The following AIFM3 variants were observed in gnomAD, a reference collection of about 807,000 sequenced individuals.
AIFM3 encodes AIF family member 3.
A neutral mutation model predicts 82.7 loss-of-function variants in AIFM3; 71 were observed. That is an observed-to-expected ratio of 0.86 (90% CI 0.71 to 1.05). AIFM3 has a LOEUF of 1.05. Among genes scored for constraint, AIFM3 ranks in the 50% least tolerant of loss-of-function variants. The pLI is 0.00. For missense variants in AIFM3, 748 were observed against 816.7 expected (o/e 0.92, Z 1.03); for synonymous variants, 337 against 329.1 (o/e 1.02, Z -0.26).
intron 20 of AIFM3, 30 bp downstream of exon 20, chr22:20,980,797 G>C: frequency 1.2e-6 from 2 of 1,614,032 alleles, no homozygotes; most frequent in Non-Finnish European, 1.7e-6. Context: ...TGACCGTTCT[G>C]AGCCTTTCCC....
At chr22:20,979,598 T>A in intron 17 of AIFM3, 29 bp from the exon 18 acceptor site, 1 of 1,613,666 alleles carries the variant, frequency 6.2e-7, no homozygotes, top group Non-Finnish European at 8.5e-7. Context: ...CCGGCTCACG[T>A]GGGTGCCACC....
At position 20,974,312 on chromosome 22, in the gene AIFM3, G is replaced by C. The variant is rs766374931; in HGVS notation, c.510+16G>C. 1 of 1,612,680 alleles carries C rather than the reference G, an allele frequency of 6.2e-7. No individual in the cohort carries two copies. Among genetic ancestry groups the C allele is most frequent in the South Asian group, 1.1e-5 (1 of 90,882 alleles). ...CAGCAAGCAGGTGAGGGGATAGCTC[G>C]GGGCTCAGGCAGAAGGGAGGAGCCG... On this transcript the variant is annotated intron_variant, in intron 6 of 20. Coordinates refer to ENST00000440238, the MANE Select transcript of AIFM3 (RefSeq NM_001386814.1).
intron 18 of AIFM3, 137 bp from the exon 19 acceptor site, chr22:20,979,883 G>A: frequency 1.8e-6 from 2 of 1,115,268 alleles, no homozygotes; most frequent in Non-Finnish European, 2.6e-6. Flanking sequence ...AAAGCAGGGA[G>A]GGCTGGGTGC....
chr22:20,972,251 A>G (rs8140374), intron 2 of AIFM3, among the ~76,000 whole-genome samples: 14,821 of 152,020 alleles, frequency 0.097, 1,663 homozygotes, highest in African/African-American at 0.24. Context: ...AAAATACAAA[A>G]ATTAGTCAGG....
In AIFM3 at chr22:20,980,026, C is replaced by T. The variant is rs1050350686; in HGVS notation, c.1659C>T (p.Asp553=). 8.1e-6 allele frequency: 13 copies of T among 1,610,342 alleles called. No individual in the cohort carries two copies. The highest frequency in any genetic ancestry group is 3.3e-5 in the Admixed American group (2 of 59,952). Residue 553 remains aspartate (D), a synonymous_variant, in exon 19 of 21, where the codon GAC becomes GAT. Transcript: ENST00000440238. The stretch of plus-strand genomic sequence containing the variant: ...GGCCATCCTCTCCTTGCAGAGGCGA[C>T]GAGGTGATCGCCGTGGCCAGCATGA... ...LKFVAFYTKG[D]EVIAVASMNY... is the part of the protein sequence containing the mutation.
At chr22:20,967,609 G>A (rs909685955) in intron 1 of AIFM3, 196 bp from the exon 2 acceptor site, 5 of 405,380 alleles carry the variant, frequency 1.2e-5, no homozygotes, top group Non-Finnish European at 2.2e-5. Context: ...CTCCACTGGA[G>A]GAGTGAGGGA....
At position 20,973,809 on chromosome 22, in the gene AIFM3, TG is replaced by T; in HGVS notation, c.301del (p.Glu101SerfsTer17). On this transcript the variant is annotated frameshift_variant, in exon 4 of 21. Transcript: ENST00000440238. LOFTEE classifies it high-confidence loss of function. ...WGKVLLVKDN[G>X]EFHALGHKCP... ...GGAAGGTGTTGCTGGTGAAGGACAA[TG>T]GGGAGTTCCACGCCCTGGGCCATAA... is the stretch of plus-strand genomic sequence containing the variant. 6.3e-7 allele frequency: 1 copy of T among 1,583,934 alleles called. No homozygotes were observed. Among genetic ancestry groups the T allele is most frequent in the Middle Eastern group, 1.7e-4 (1 of 5,786 alleles).
rs928558488 is a variant in AIFM3 at position 20,980,277 on chromosome 22, G to C, written c.1757+153G>C. 8 of 668,058 alleles carry C rather than the reference G, an allele frequency of 1.2e-5. No homozygotes were observed. In the African/African-American group the frequency reaches 1.5e-4, roughly 12 times the overall value. 41.4% of individuals were successfully genotyped at this position (668,058 alleles called of 1,614,324 possible). The stretch of plus-strand genomic sequence containing the variant: ...GCTTACAGGACTACAGGGAGGTGTG[G>C]GGCAAGGATCATGGTTTGAGAGCAG... On this transcript the variant is annotated intron_variant, in intron 19 of 20. Coordinates refer to ENST00000440238, the MANE Select transcript of AIFM3 (RefSeq NM_001386814.1).
At position 20,976,206 on chromosome 22, in the gene AIFM3, G is replaced by A. The variant is rs1923643014; in HGVS notation, c.808-9G>A. 1.2e-6 allele frequency: 2 copies of A among 1,612,060 alleles called. No homozygotes were observed. The highest frequency in any genetic ancestry group is 4.5e-5 in the East Asian group (2 of 44,802). ...CCCAAGCTCATGCTCTGCCTGGTGG[G>A]GATTGCAGGTGGTCACAGTGGACGT... is the stretch of plus-strand genomic sequence containing the variant. On this transcript the variant is annotated splice_polypyrimidine_tract_variant and intron_variant, in intron 9 of 20. Transcript: ENST00000440238.
rs566902132 is a variant in AIFM3, at chr22:20,967,959, C to T, written c.15C>T (p.Phe5=). MGGC[F]SKPKPVELKI... ...GGCCACTCGCCATGGGCGGCTGCTT[C>T]TCCAAACCCAAACCAGGTACCTCCT... Residue 5 remains phenylalanine, a synonymous_variant, in exon 2 of 21, where the codon TTC becomes TTT. Transcript: ENST00000440238. 2 of 1,614,032 alleles carry T rather than the reference C, an allele frequency of 1.2e-6. No homozygotes were observed. Among genetic ancestry groups the T allele is most frequent in the Non-Finnish European group, 1.7e-6 (2 of 1,179,990 alleles).
At chr22:20,973,691 C>G (rs909810694) in intron 3 of AIFM3, 67 bp from the exon 4 acceptor site, 33 of 1,453,516 alleles carry the variant, frequency 2.3e-5, no homozygotes, top group Non-Finnish European at 3.1e-5. Context: ...AGGCTGGACA[C>G]TGGGAGGAGC....
At chr22:20,979,116 C>G (rs1178733267) in intron 16 of AIFM3, among the ~76,000 whole-genome samples, 155 bp from the exon 17 acceptor site, 1 of 152,232 alleles carries the variant, frequency 6.6e-6, no homozygotes, top group Non-Finnish European at 1.5e-5. Flanking sequence ...GCTGCAGGTG[C>G]AAGTGAGCAG....
intron 3 of AIFM3, 89 bp downstream of exon 3, chr22:20,973,609 A>G (rs1029882825): frequency 7.2e-7 from 1 of 1,397,144 alleles, no homozygotes; most frequent in African/African-American, 1.5e-5. Context: ...GGTTGGCCTG[A>G]AGGGGCTATG....
chr22:20,974,441 C>G, intron 6 of AIFM3, 84 bp from the exon 7 acceptor site: 2 of 1,561,500 alleles, frequency 1.3e-6, no homozygotes, highest in South Asian at 1.2e-5. Flanking sequence ...AGGGATGAGG[C>G]TGGGCTGGAG....
In AIFM3 at chr22:20,976,230, G is replaced by A. The variant is rs371705249; in HGVS notation, c.823G>A (p.Val275Met). 2.1e-5 allele frequency: 34 copies of A among 1,613,582 alleles called. No homozygotes were observed. The highest frequency in any genetic ancestry group is 1.6e-4 in the Middle Eastern group (1 of 6,084). Residue 275 changes from valine (V) to methionine (M), a missense_variant, in exon 10 of 21, where the codon GTG (valine) becomes ATG (methionine). Transcript: ENST00000440238. ...LTEAQVVTVD[V>M]RTKKVVFKDG... Reference sequence around the variant, plus strand: ...GGGATTGCAGGTGGTCACAGTGGACGTGAGAACTAAGAAGGTCGTGTTCAA... The same window carrying A: ...GGGATTGCAGGTGGTCACAGTGGACATGAGAACTAAGAAGGTCGTGTTCAA...
chr22:20,978,952 C>A (rs1923870876), intron 16 of AIFM3, among the ~76,000 whole-genome samples: 1 of 152,036 alleles, frequency 6.6e-6, no homozygotes. Context: ...AGACCTGATA[C>A]GTCTGATTAG....
chr22:20,981,048 C>G lies in AIFM3; in HGVS notation c.*17C>G. 1 of 1,614,118 alleles carries G rather than the reference C, an allele frequency of 6.2e-7. No individual in the cohort carries two copies. Among genetic ancestry groups the G allele is most frequent in the Non-Finnish European group, 8.5e-7 (1 of 1,179,988 alleles). ...GGATCCTGAGCTCACATGCAGTAGACTTGGGCAGGCAAAGGGGGCACCAAG... is the reference window on the plus strand; with the variant it reads ...GGATCCTGAGCTCACATGCAGTAGAGTTGGGCAGGCAAAGGGGGCACCAAG... On this transcript the variant is annotated 3_prime_UTR_variant, in exon 21 of 21. Transcript: ENST00000440238.
rs1342541244 is a variant in AIFM3, at chr22:20,981,099, G to A, written c.*68G>A. 6.2e-7 allele frequency: 1 copy of A among 1,602,626 alleles called. No individual in the cohort carries two copies. The highest frequency in any genetic ancestry group is 1.7e-5 in the Admixed American group (1 of 58,582). On this transcript the variant is annotated 3_prime_UTR_variant, in exon 21 of 21. Transcript: ENST00000440238. The stretch of plus-strand genomic sequence containing the variant: ...GGCACAGGCCAAGCCTTGGGGGCAG[G>A]TGCCAATCTCCAGTCCCAGGATCCC...
rs1214503688 is a variant in AIFM3, at chr22:20,979,618, G to A, written c.1577-9G>A. 3.1e-6 allele frequency: 5 copies of A among 1,614,006 alleles called. No individual in the cohort carries two copies. The highest frequency in any genetic ancestry group is 1.3e-5 in the African/African-American group (1 of 74,958). ...TCACGTGGGTGCCACCCACCTGCCC[G>A]GCCCACAGGCTACGGAGAAGGCTTC... On this transcript the variant is annotated splice_polypyrimidine_tract_variant and intron_variant, in intron 17 of 20. Transcript: ENST00000440238.
Sources: allele counts gnomAD v4.1 joint callset (sites outside exome capture counted in the v4.1 genomes callset), GRCh38; gene constraint gnomAD v4.1.1; transcripts MANE v1.5; gene names NCBI Gene and HGNC (gene_info 2026-07-23, HGNC 2026-07-21).